The following FBXO9 variants were observed in gnomAD, a reference collection of about 807,000 sequenced individuals.
FBXO9 encodes F-box protein 9, also known as F-box only protein 9.
FBXO9 carries 43 observed loss-of-function variants against 63.7 expected under a neutral mutation model. That is an observed-to-expected ratio of 0.67 (90% CI 0.53 to 0.87). The LOEUF is 0.87. Among genes scored for constraint, FBXO9 ranks in the 40% least tolerant of loss-of-function variants. The pLI is 0.00. For missense variants in FBXO9, 442 were observed against 533.2 expected (o/e 0.83, Z 1.68); for synonymous variants, 156 against 171.7 (o/e 0.91, Z 0.72).
intron 3 of FBXO9, among the ~76,000 whole-genome samples, chr6:53,075,544 C>G (rs1423510593): frequency 2.7e-5 from 4 of 150,110 alleles, no homozygotes; most frequent in Admixed American, 2.6e-4. Flanking sequence ...CTGCACCTGG[C>G]CTTTAATTTT....
chr6:53,085,495 A>G (rs191877069), intron 7 of FBXO9, among the ~76,000 whole-genome samples: 2 of 152,228 alleles, frequency 1.3e-5, no homozygotes, highest in Admixed American at 6.5e-5. Context: ...TTTCTAGTAC[A>G]TGTAGCATTT....
intron 5 of FBXO9, among the ~76,000 whole-genome samples, chr6:53,079,453 G>A (rs941455443): frequency 2.0e-5 from 3 of 152,136 alleles, no homozygotes; most frequent in South Asian, 2.1e-4. Context: ...CACAGGTGCA[G>A]AATATATTCC....
At chr6:53,067,212 G>C (rs1768736043) in intron 1 of FBXO9, among the ~76,000 whole-genome samples, 1 of 152,042 alleles carries the variant, frequency 6.6e-6, no homozygotes, top group South Asian at 2.1e-4. Context: ...ACATGAAAAG[G>C]GACCTCAGTA....
chr6:53,074,195 A>G (rs1384111508), intron 3 of FBXO9, among the ~76,000 whole-genome samples: 2 of 148,340 alleles, frequency 1.3e-5, no homozygotes, highest in African/African-American at 4.9e-5. Flanking sequence ...TTACTCACAC[A>G]GAGTAGGCAC....
At chr6:53,065,328 G>A (rs1326999477), upstream of FBXO9, 1 of 157,600 alleles carries the variant, frequency 6.3e-6, no homozygotes, top group South Asian at 2.0e-4. Flanking sequence ...GTAGGTCCGC[G>A]ACCCTTAGCC....
chr6:53,092,423 C>A lies in FBXO9; in HGVS notation c.654-6C>A, dbSNP rs1026156515. ...TTTTTATTGACATTGTGCTTTTATT[C>A]CCTAGAGACCCTGAAATATGGCGTC... On this transcript the variant is annotated splice_region_variant and splice_polypyrimidine_tract_variant and intron_variant, in intron 7 of 12. Transcript: ENST00000323557. The A allele has an allele frequency of 6.2e-7, 1 of 1,605,580 alleles. No individual in the cohort carries two copies. The highest frequency in any genetic ancestry group is 8.5e-7 in the Non-Finnish European group (1 of 1,172,780).
chr6:53,069,942 T>TA (rs1562062259), intron 1 of FBXO9, among the ~76,000 whole-genome samples: 1 of 150,008 alleles, frequency 6.7e-6, no homozygotes, highest in African/African-American at 2.4e-5. Flanking sequence ...CTTGTAGAAC[T>TA]AAAAAAATAC....
At chr6:53,092,651 A>G in intron 8 of FBXO9, 83 bp from the exon 9 acceptor site, 1 of 1,393,934 alleles carries the variant, frequency 7.2e-7, no homozygotes, top group South Asian at 1.2e-5. Flanking sequence ...TACTGTAAGC[A>G]TGTTTAAAGG....
intron 7 of FBXO9, 36 bp downstream of exon 7, chr6:53,082,654 A>T: frequency 2.1e-6 from 3 of 1,425,868 alleles, no homozygotes; most frequent in Non-Finnish European, 2.9e-6. Flanking sequence ...TAAACAACTG[A>T]GGCAATGGTG....
chr6:53,095,389 T>C, intron 11 of FBXO9, 124 bp from the exon 12 acceptor site: 1 of 868,720 alleles, frequency 1.2e-6, no homozygotes, highest in Non-Finnish European at 1.7e-6. Context: ...CTTGTGATAG[T>C]CAAAACGACT....
At chr6:53,094,644 AT>A (rs1274861200) in intron 11 of FBXO9, 6 of 252,690 alleles carry the variant, frequency 2.4e-5, no homozygotes, top group Middle Eastern at 4.4e-4. Flanking sequence ...CTTTTGAAGG[AT>A]ATTTCTCTTG....
In FBXO9 at chr6:53,078,793, T is replaced by C. The variant is rs1413768085; in HGVS notation, c.308-6T>C. ...ACAGCTAATTTAGCTTTATTTCTTC[T>C]TTTAGCCATCAAGTTTTATCGTAGG... On this transcript the variant is annotated splice_polypyrimidine_tract_variant and splice_region_variant and intron_variant, in intron 4 of 12. Coordinates refer to ENST00000323557, the MANE Select transcript of FBXO9 (RefSeq NM_033480.3). 2 of 1,603,334 alleles carry C rather than the reference T, an allele frequency of 1.2e-6. No individual in the cohort carries two copies. The highest frequency in any genetic ancestry group is 1.7e-6 in the Non-Finnish European group (2 of 1,170,444).
chr6:53,078,268 A>G (rs762141139), intron 4 of FBXO9, among the ~76,000 whole-genome samples: 10 of 152,082 alleles, frequency 6.6e-5, no homozygotes, highest in Non-Finnish European at 1.5e-4. Flanking sequence ...AGCCTGGGCA[A>G]TATAGCAAGA....
chr6:53,088,596 C>CTT (rs542468280), intron 7 of FBXO9, among the ~76,000 whole-genome samples: 4 of 140,538 alleles, frequency 2.8e-5, no homozygotes, highest in Admixed American at 7.1e-5. Context: ...AGTGGTTTGT[C>CTT]TTTTTTTTTT....
At chr6:53,091,994 T>G (rs1036434734) in intron 7 of FBXO9, 1 of 171,616 alleles carries the variant, frequency 5.8e-6, no homozygotes, top group Non-Finnish European at 1.2e-5. Flanking sequence ...TAGTTTCCTC[T>G]GCACAATGCC....
intron 1 of FBXO9, 92 bp downstream of exon 1, chr6:53,065,884 C>G: frequency 8.1e-7 from 1 of 1,238,530 alleles, no homozygotes; most frequent in Non-Finnish European, 1.0e-6. Flanking sequence ...TCGGCGGGGA[C>G]TCTGGGGAGG....
At chr6:53,079,011 A>G (rs1769218097) in intron 5 of FBXO9, 113 bp downstream of exon 5, 1 of 597,334 alleles carries the variant, frequency 1.7e-6, no homozygotes, top group Non-Finnish European at 2.8e-6. Flanking sequence ...ACTCTTTAGT[A>G]TATCTTTGTT....
rs767303732 is a variant in FBXO9 at position 53,093,559 on chromosome 6, C to T, written c.957C>T (p.Thr319=). 5 of 1,610,010 alleles carry T rather than the reference C, an allele frequency of 3.1e-6. No homozygotes were observed. Among genetic ancestry groups the T allele is most frequent in the African/African-American group, 1.3e-5 (1 of 74,770 alleles). The change falls in exon 10 of 13, where the codon ACC becomes ACT. Residue 319 remains threonine (T), a splice_region_variant and synonymous_variant. Coordinates refer to ENST00000323557, the MANE Select transcript of FBXO9 (RefSeq NM_033480.3). ...TTCCACGTTTAAGAACTAGGAATAC[C>T]AGGTAGCATTTGTTTTTTAAATGGC... ...SIVPRLRTRN[T]RTDAILLGHY... is the part of the protein sequence containing the mutation.
chr6:53,094,945 T>C (rs1763163482), intron 11 of FBXO9: 1 of 201,428 alleles, frequency 5.0e-6, no homozygotes, highest in Non-Finnish European at 1.1e-5. Flanking sequence ...CAGAATATGA[T>C]GAAATATTCA....
Sources: gnomAD v4.1 joint callset for allele counts (sites outside exome capture counted in the v4.1 genomes callset) on GRCh38, gnomAD v4.1.1 for gene constraint, MANE v1.5 for transcripts, NCBI Gene and HGNC (gene_info 2026-07-23, HGNC 2026-07-21) for gene names.